Variants in UTP20 observed in about 807,000 individuals in gnomAD.
UTP20 encodes small subunit processome component 20 homolog.
A neutral mutation model predicts 329.5 loss-of-function variants in UTP20; 164 were observed. The observed-to-expected ratio is 0.50, with a 90% confidence interval of 0.44 to 0.57. The LOEUF (loss-of-function observed/expected upper bound fraction) is 0.57. Ranked by LOEUF, UTP20 falls within the 20% of genes least tolerant of loss-of-function variation. The probability of loss-of-function intolerance (pLI) is 0.00; values close to 1 mark genes in which losing one functional copy is unlikely to be tolerated. For synonymous variants in UTP20, 1,151 were observed against 1,159.3 expected, an observed-to-expected ratio of 0.99 and a Z score of 0.14; for missense variants, 3,055 against 3,284.2, an observed-to-expected ratio of 0.93 and a Z score of 1.71.
intron 14 of UTP20, among the ~76,000 whole-genome samples, chr12:101,302,175 C>T (rs1872537798): frequency 6.6e-6 from 1 of 152,144 alleles, no homozygotes; most frequent in African/African-American, 2.4e-5. Context: ...AGTGGTCCTC[C>T]CACCTCAGCA....
chr12:101,321,053 AG>A, intron 24 of UTP20, 116 bp downstream of exon 24: 1 of 864,834 alleles, frequency 1.2e-6, no homozygotes, highest in Admixed American at 3.2e-5. Flanking sequence ...CTTTTTTCTG[AG>A]GTCATCGTAT....
Position 101,295,538 on chromosome 12 carries a change from T to G in UTP20, c.1310T>G (p.Val437Gly). Residue 437 changes from valine (V) to glycine (G), a missense_variant, in exon 12 of 62, where the codon GTA (valine) becomes GGA (glycine). Physicochemically the swap from Val to Gly is moderately radical, Grantham distance 109. Around this residue, in one of 3 missense-constraint regions of UTP20, gnomAD observed 2,445 missense variants for 2,575.5 expected, o/e 0.95. Coordinates refer to ENST00000261637, the MANE Select transcript of UTP20 (RefSeq NM_014503.3). ...IVNCFLIDDA[V>G]VKDEALAILA... ...AATTGCTTCTTAATTGATGATGCTG[T>G]AGTCAAAGATGAAGCTCTGGCCATT... is the stretch of plus-strand genomic sequence containing the variant. The G allele has an allele frequency of 6.2e-7, 1 of 1,613,000 alleles. No individual in the cohort carries two copies. The highest frequency in any genetic ancestry group is 8.5e-7 in the Non-Finnish European group (1 of 1,179,598).
intron 29 of UTP20, 67 bp downstream of exon 29, chr12:101,334,571 C>T: frequency 7.5e-7 from 1 of 1,332,508 alleles, no homozygotes; most frequent in South Asian, 1.3e-5. Context: ...TAAAGCAGTC[C>T]AGGAAACTAA....
intron 21 of UTP20, among the ~76,000 whole-genome samples, chr12:101,312,971 A>G (rs1334328658): frequency 2.0e-5 from 3 of 152,124 alleles, no homozygotes; most frequent in Non-Finnish European, 4.4e-5. Context: ...TTGCCCTGTT[A>G]TTCATTATTT....
At chr12:101,333,551 C>G (rs1868832742) in intron 28 of UTP20, 107 bp downstream of exon 28, 1 of 1,379,292 alleles carries the variant, frequency 7.3e-7, no homozygotes, top group Non-Finnish European at 9.8e-7. Context: ...TGGGTCTTTC[C>G]TTTTACATCG....
intron 49 of UTP20, 104 bp from the exon 50 acceptor site, chr12:101,370,328 C>T: frequency 2.2e-6 from 3 of 1,355,408 alleles, no homozygotes; most frequent in South Asian, 3.4e-5. Context: ...GGCTGGCACC[C>T]TGTTTGGAAA....
Position 101,369,878 on chromosome 12 carries a change from T to G in UTP20, c.6542T>G (p.Val2181Gly). ...AARGQNFHLVVNCFKCVTILV... is the reference protein window; with the variant it reads ...AARGQNFHLVGNCFKCVTILV... The stretch of plus-strand genomic sequence containing the variant: ...AGGGGCCAGAACTTCCACCTTGTGG[T>G]CAATTGTTTCAAGGTGAGATGTCTT... The change falls in exon 49 of 62, where the codon GTC (valine) becomes GGC (glycine). Residue 2181 changes from valine (V) to glycine (G), a missense_variant. By Grantham distance (109) the Val-to-Gly change is moderately radical. Transcript: ENST00000261637. 1 of 1,613,682 alleles carries G rather than the reference T, an allele frequency of 6.2e-7. No homozygotes were observed. The highest frequency in any genetic ancestry group is 1.1e-5 in the South Asian group (1 of 91,050).
intron 26 of UTP20, among the ~76,000 whole-genome samples, chr12:101,327,584 A>G (rs1019697109): frequency 6.6e-6 from 1 of 152,192 alleles, no homozygotes; most frequent in Admixed American, 6.5e-5. Context: ...GCACACTGCA[A>G]ATTAATCTTA....
chr12:101,338,234 G>A lies in UTP20; in HGVS notation c.3825G>A (p.Leu1275=). 1 of 1,614,122 alleles carries A rather than the reference G, an allele frequency of 6.2e-7. No individual in the cohort carries two copies. The highest frequency in any genetic ancestry group is 1.1e-5 in the South Asian group (1 of 91,082). Reference sequence around the variant, plus strand: ...CTACAGAAACAGTTTTGAACTTGCTGGTAACTGGATGTGTATACCCTGGCA... The same window carrying A: ...CTACAGAAACAGTTTTGAACTTGCTAGTAACTGGATGTGTATACCCTGGCA... ...FEPTETVLNL[L]VTGCVYPGIA... The change falls in exon 30 of 62, where the codon CTG becomes CTA. Residue 1275 remains leucine (L), a synonymous_variant. Coordinates refer to ENST00000261637, the MANE Select transcript of UTP20 (RefSeq NM_014503.3).
rs1460807837 is a variant in UTP20 at position 101,329,988 on chromosome 12, C to T, written c.3417+539C>T. 2.0e-5 allele frequency among the ~76,000 whole-genome samples: 3 copies of T among 147,654 alleles called. No homozygotes were observed. The Admixed American group carries it at 2.0e-4, about 10-fold the overall frequency. ...CCAGCATGGGCAACAGAGTGAGACT[C>T]TGCCTCTTAAAAAAAAAAAAAGAAA... On this transcript the variant is annotated intron_variant, in intron 27 of 61. Coordinates refer to ENST00000261637, the MANE Select transcript of UTP20 (RefSeq NM_014503.3).
intron 26 of UTP20, 121 bp from the exon 27 acceptor site, chr12:101,329,120 A>G: frequency 1.2e-6 from 1 of 852,614 alleles, no homozygotes; most frequent in East Asian, 2.6e-5. Context: ...GTCATCTATA[A>G]ATTACCATGA....
At position 101,306,698 on chromosome 12, in the gene UTP20, G is replaced by T; in HGVS notation, c.1933-1G>T. On this transcript the variant is annotated splice_acceptor_variant, in intron 16 of 61. Coordinates refer to ENST00000261637, the MANE Select transcript of UTP20 (RefSeq NM_014503.3). LOFTEE classifies it high-confidence loss of function. ...TGAAAGATGCCTTTTACTTTCTCCA[G>T]ATTCGGCTTTTGACAATAAGGATCC... 6.2e-7 allele frequency: 1 copy of T among 1,601,862 alleles called. No individual in the cohort carries two copies.
chr12:101,292,195 G>T, intron 10 of UTP20, 91 bp downstream of exon 10: 1 of 1,377,434 alleles, frequency 7.3e-7, no homozygotes, highest in African/African-American at 1.4e-5. Flanking sequence ...GTGTGACAAA[G>T]GCTCTGCCCT....
intron 52 of UTP20, 79 bp downstream of exon 52, chr12:101,373,042 G>C: frequency 1.7e-6 from 2 of 1,184,950 alleles, no homozygotes; most frequent in Non-Finnish European, 2.5e-6. Context: ...TCTTAAAAAG[G>C]ATGGGGCCTA....
intron 16 of UTP20, among the ~76,000 whole-genome samples, chr12:101,306,395 A>G (rs527811025): frequency 1.3e-5 from 2 of 152,198 alleles, no homozygotes; most frequent in East Asian, 3.9e-4. Flanking sequence ...AATATTGTAC[A>G]TTACTTAGGA....
chr12:101,383,180 C>A lies in UTP20; in HGVS notation c.7796C>A (p.Ala2599Glu). The change falls in exon 59 of 62, where the codon GCG becomes GAG. Residue 2599 changes from alanine (A) to glutamate (E), a missense_variant. Physicochemically the swap from Ala to Glu is moderately radical, Grantham distance 107. Transcript: ENST00000261637. Reference sequence around the variant, plus strand: ...GGTGTGGCCTGTGCAGATGAGAAGGCGGAGTCTGACGGAGAAGAGAAGGAA... The same window carrying A: ...GGTGTGGCCTGTGCAGATGAGAAGGAGGAGTCTGACGGAGAAGAGAAGGAA... ...EDGVACADEK[A>E]ESDGEEKEEV... is the part of the protein sequence containing the mutation. The A allele has an allele frequency of 6.2e-7, 1 of 1,613,886 alleles. No individual in the cohort carries two copies.
At chr12:101,372,811 C>A in intron 51 of UTP20, 73 bp from the exon 52 acceptor site, 1 of 1,301,984 alleles carries the variant, frequency 7.7e-7, no homozygotes, top group Non-Finnish European at 1.1e-6. Flanking sequence ...CAGTGAGTTC[C>A]AGAAAGCAGC....
At chr12:101,300,935 C>T (rs1565787911) in intron 14 of UTP20, among the ~76,000 whole-genome samples, 1 of 152,024 alleles carries the variant, frequency 6.6e-6, no homozygotes, top group Non-Finnish European at 1.5e-5. Context: ...TGATCTAGAG[C>T]CTAGAGCAGG....
intron 22 of UTP20, among the ~76,000 whole-genome samples, chr12:101,318,703 C>T (rs758947887): frequency 4.0e-5 from 6 of 151,678 alleles, no homozygotes; most frequent in African/African-American, 7.3e-5. Context: ...TGGTGGTGCA[C>T]GCCTGTAATC....
Sources: gnomAD v4.1 joint callset for allele counts (sites outside exome capture counted in the v4.1 genomes callset) on GRCh38, gnomAD v4.1.1 for gene constraint, gnomAD v4.1.1 regional missense constraint, MANE v1.5 for transcripts, NCBI Gene and HGNC (gene_info 2026-07-23, HGNC 2026-07-21) for gene names.